Variants in SGSM3 observed in about 807,000 individuals in gnomAD.
SGSM3 encodes the protein small G protein signaling modulator 3.
In SGSM3, 96 loss-of-function variants were observed where a neutral mutation model predicts 100.5. The observed-to-expected ratio is 0.96, with a 90% CI of 0.81 to 1.13. The LOEUF is 1.13. Ranked by LOEUF, SGSM3 falls within the 50% of genes most tolerant of loss-of-function variation. The probability of loss-of-function intolerance (pLI) is 0.00; values close to 1 mark genes in which losing one functional copy is unlikely to be tolerated. For synonymous variants in SGSM3, 483 were observed against 422.8 expected, an observed-to-expected ratio of 1.14 and a Z score of -1.75; for missense variants, 1,001 against 1,015.8, an observed-to-expected ratio of 0.99 and a Z score of 0.20.
At chr22:40,396,729 A>G (rs556632464) in intron 1 of SGSM3, among the ~76,000 whole-genome samples, 21 of 152,168 alleles carry the variant, frequency 1.4e-4, no homozygotes, top group Non-Finnish European at 1.6e-4. Flanking sequence ...AATAGGACAC[A>G]GGACAGGACA....
At position 40,409,224 on chromosome 22, in the gene SGSM3, CTCCCCACTCCTGGCCATG is replaced by C; in HGVS notation, c.1989-19_1989-2del. Reference sequence around the variant, plus strand: ...CCAGAAGGGCCTGGAGCTGCCCCTGCTCCCCACTCCTGGCCATGTCCCCAGTGAGCAGGTGCTGCACCT... The same window carrying C: ...CCAGAAGGGCCTGGAGCTGCCCCTGCTCCCCAGTGAGCAGGTGCTGCACCT... On this transcript the variant is annotated splice_region_variant and splice_polypyrimidine_tract_variant and intron_variant, in intron 19 of 21. Coordinates refer to ENST00000248929, the MANE Select transcript of SGSM3 (RefSeq NM_015705.6). 19 of 1,580,146 alleles carry C rather than the reference CTCCCCACTCCTGGCCATG, an allele frequency of 1.2e-5. No individual in the cohort carries two copies. Among genetic ancestry groups the C allele is most frequent in the Non-Finnish European group, 1.5e-5 (18 of 1,165,566 alleles).
At chr22:40,408,521 A>G in intron 16 of SGSM3, 92 bp downstream of exon 16, 1 of 1,590,476 alleles carries the variant, frequency 6.3e-7, no homozygotes, top group Non-Finnish European at 8.6e-7. Flanking sequence ...CCCCACAGAG[A>G]GGATGGGAAG....
chr22:40,375,169 G>T (rs971691182), intron 1 of SGSM3, among the ~76,000 whole-genome samples: 3 of 152,146 alleles, frequency 2.0e-5, no homozygotes, highest in Admixed American at 6.6e-5. Flanking sequence ...CTTTTTCTAA[G>T]TGTGATACAT....
intron 1 of SGSM3, among the ~76,000 whole-genome samples, chr22:40,371,677 T>G (rs990253439): frequency 6.6e-6 from 1 of 152,152 alleles, no homozygotes; most frequent in Non-Finnish European, 1.5e-5. Flanking sequence ...GGTGATTAAT[T>G]TGTAATTCTT....
intron 1 of SGSM3, among the ~76,000 whole-genome samples, chr22:40,380,523 C>A (rs1014931506): frequency 6.6e-6 from 1 of 152,072 alleles, no homozygotes; most frequent in Non-Finnish European, 1.5e-5. Flanking sequence ...TGCCCCATGA[C>A]ACCTGGCTAA....
rs761698308 is a variant in SGSM3, at chr22:40,407,118, TC to T, written c.1240+49del. On this transcript the variant is annotated intron_variant, in intron 11 of 21. Coordinates refer to ENST00000248929, the MANE Select transcript of SGSM3 (RefSeq NM_015705.6). This position sits in a 1 kb window ranked among gnomAD's most constrained non-coding sequence, Gnocchi z 4.7. Reference sequence around the variant, plus strand: ...GGCAGTGTGGGCATGCGGGAGTCTGTCCTCACGCTCATGTGGACGTGGAGCT... The same window carrying T: ...GGCAGTGTGGGCATGCGGGAGTCTGTCTCACGCTCATGTGGACGTGGAGCT... 6.2e-7 allele frequency: 1 copy of T among 1,609,144 alleles called. No individual in the cohort carries two copies. The highest frequency in any genetic ancestry group is 2.2e-5 in the East Asian group (1 of 44,748).
At chr22:40,371,734 T>C (rs6001890) in intron 1 of SGSM3, among the ~76,000 whole-genome samples, 19 of 151,858 alleles carry the variant, frequency 1.3e-4, no homozygotes, top group African/African-American at 4.6e-4. Context: ...AGTTTCGCTC[T>C]TGCCCGGGCT....
At chr22:40,377,962 C>G (rs1178326527) in intron 1 of SGSM3, among the ~76,000 whole-genome samples, 1 of 152,070 alleles carries the variant, frequency 6.6e-6, no homozygotes, top group African/African-American at 2.4e-5. Context: ...ACAAAGTACC[C>G]CTAAAAAGAC....
At chr22:40,403,992 C>A in intron 4 of SGSM3, 1 of 356,378 alleles carries the variant, frequency 2.8e-6, no homozygotes, top group Non-Finnish European at 5.0e-6. Flanking sequence ...ATGGAGGTGT[C>A]ATTTCTGGAT....
chr22:40,389,579 A>G (rs2049041905), intron 1 of SGSM3, among the ~76,000 whole-genome samples: 1 of 117,580 alleles, frequency 8.5e-6, no homozygotes, highest in African/African-American at 3.3e-5. Flanking sequence ...AGCCTGGGCC[A>G]CAGTGCAAGA....
intron 7 of SGSM3, among the ~76,000 whole-genome samples, 164 bp downstream of exon 7, chr22:40,405,448 C>T (rs574243850): frequency 1.3e-5 from 2 of 152,310 alleles, no homozygotes; most frequent in Admixed American, 1.3e-4. Flanking sequence ...ATCGGGGCAG[C>T]TGCACGTTAT....
chr22:40,394,534 TACTTGGGAGGCTGAGGCA>T (rs1314922555), intron 1 of SGSM3, among the ~76,000 whole-genome samples: 9 of 151,014 alleles, frequency 6.0e-5, no homozygotes, highest in Non-Finnish European at 1.3e-4. Context: ...TAATCCCAGC[TACTTGGGAGGCTGAGGCA>T]GGAAAATCGC....
intron 8 of SGSM3, 58 bp from the exon 9 acceptor site, chr22:40,406,020 C>A: frequency 6.3e-7 from 1 of 1,589,538 alleles, no homozygotes; most frequent in Non-Finnish European, 8.6e-7. Flanking sequence ...TGCTGCAGTT[C>A]CGGGGAGGGA....
At chr22:40,386,038 T>G (rs896439433) in intron 1 of SGSM3, among the ~76,000 whole-genome samples, 1 of 150,226 alleles carries the variant, frequency 6.7e-6, no homozygotes, top group African/African-American at 2.5e-5. Flanking sequence ...TTTTTTTTTG[T>G]TTTTTTTGTT....
rs779078732 is a variant in SGSM3 at position 40,407,756 on chromosome 22, G to C, written c.1525-33G>C. ...AGGAGGCGCTGGCCCAGGGCACCCA[G>C]CTTTGGTTCCTGCTGTTTTTCCTCC... On this transcript the variant is annotated intron_variant, in intron 13 of 21. Coordinates refer to ENST00000248929, the MANE Select transcript of SGSM3 (RefSeq NM_015705.6). The surrounding 1 kb of genome is among the most constrained non-coding windows in gnomAD (Gnocchi z 4.7). 6.2e-7 allele frequency: 1 copy of C among 1,613,676 alleles called. No individual in the cohort carries two copies. The highest frequency in any genetic ancestry group is 1.1e-5 in the South Asian group (1 of 91,070).
At chr22:40,408,771 C>T (rs758650954) in intron 17 of SGSM3, 23 bp from the exon 18 acceptor site, 8 of 1,613,838 alleles carry the variant, frequency 5.0e-6, no homozygotes, top group Middle Eastern at 3.3e-4. Flanking sequence ...CCCGGCACCC[C>T]AGGAGCTTTG....
Position 40,409,870 on chromosome 22 carries a change from T to G in SGSM3, c.*111T>G. 3 of 1,464,872 alleles carry G rather than the reference T, an allele frequency of 2.0e-6. No homozygotes were observed. The highest frequency in any genetic ancestry group is 2.7e-6 in the Non-Finnish European group (3 of 1,114,340). 90.7% of individuals were successfully genotyped at this position (1,464,872 alleles called of 1,614,324 possible). A position where few individuals can be genotyped will look rare whatever the true frequency, so the allele number is the denominator to read the frequency against. On this transcript the variant is annotated 3_prime_UTR_variant, in exon 22 of 22. Coordinates refer to ENST00000248929, the MANE Select transcript of SGSM3 (RefSeq NM_015705.6). ...GAGCCCTGGCCGGGGCCGCGGGATA[T>G]CAATATCAGGCTGCCCCACTCCACG... is the stretch of plus-strand genomic sequence containing the variant.
At chr22:40,406,012 C>G in intron 8 of SGSM3, 66 bp from the exon 9 acceptor site, 1 of 1,579,756 alleles carries the variant, frequency 6.3e-7, no homozygotes. Context: ...GAGGACCTTG[C>G]TGCAGTTCCG....
At chr22:40,408,535 T>G in intron 16 of SGSM3, 92 bp from the exon 17 acceptor site, 1 of 1,588,858 alleles carries the variant, frequency 6.3e-7, no homozygotes, top group South Asian at 1.1e-5. Context: ...TGGGAAGAGC[T>G]GGCAGCGTGG....
Sources: allele counts gnomAD v4.1 joint callset (sites outside exome capture counted in the v4.1 genomes callset), GRCh38; gene constraint gnomAD v4.1.1; non-coding constraint Gnocchi (gnomAD v3.1); transcripts MANE v1.5; gene names NCBI Gene and HGNC (gene_info 2026-07-23, HGNC 2026-07-21).